PIK3CD: variants seen among roughly 807,000 people sequenced by gnomAD.
The protein encoded by PIK3CD is phosphatidylinositol 4,5-bisphosphate 3-kinase catalytic subunit delta isoform.
In PIK3CD, 20 loss-of-function variants were observed where a neutral mutation model predicts 122.9. The ratio of observed to expected loss-of-function variants is 0.16; its 90% CI spans 0.11 to 0.24. The LOEUF is 0.24. Ranked by LOEUF, PIK3CD falls within the 10% of genes least tolerant of loss-of-function variation. The probability of loss-of-function intolerance (pLI) is 1.00; values close to 1 mark genes in which losing one functional copy is unlikely to be tolerated. For synonymous variants in PIK3CD, 596 were observed against 593.4 expected, an observed-to-expected ratio of 1.00 and a Z score of -0.06; for missense variants, 787 against 1,406.3, an observed-to-expected ratio of 0.56 and a Z score of 7.04.
intron 1 of PIK3CD, chr1:9,654,083 TACA>T: frequency 7.6e-6 from 9 of 1,187,594 alleles, no homozygotes; most frequent in South Asian, 1.3e-5. Flanking sequence ...AGAAACATAA[TACA>T]ACAACCCAGT....
chr1:9,709,929 C>A (rs1442985931), intron 2 of PIK3CD, among the ~76,000 whole-genome samples: 1 of 151,982 alleles, frequency 6.6e-6, no homozygotes, highest in African/African-American at 2.4e-5. Flanking sequence ...TCTCTTGAAC[C>A]CAAGAGGCGG....
In PIK3CD at chr1:9,719,812, A is replaced by G. The variant is rs2100931107; in HGVS notation, c.1243-109A>G. On this transcript the variant is annotated intron_variant, in intron 9 of 23. Coordinates refer to ENST00000377346, the MANE Select transcript of PIK3CD (RefSeq NM_005026.5). The surrounding 1 kb of genome is among the most constrained non-coding windows in gnomAD (Gnocchi z 5.5). ...GGTCTCCCAGGGGTCTGGTTGGGAGATGTTAGCTGGGCTCTGGGTCTTCTC... is the reference window on the plus strand; with the variant it reads ...GGTCTCCCAGGGGTCTGGTTGGGAGGTGTTAGCTGGGCTCTGGGTCTTCTC... 3 of 883,104 alleles carry G rather than the reference A, an allele frequency of 3.4e-6. No individual in the cohort carries two copies. Among genetic ancestry groups the G allele is most frequent in the Non-Finnish European group, 5.8e-6 (3 of 516,610 alleles). 54.7% of individuals were successfully genotyped at this position (883,104 alleles called of 1,614,324 possible). A position where few individuals can be genotyped will look rare whatever the true frequency, so the allele number is the denominator to read the frequency against.
chr1:9,725,881 AAAT>A (rs1241990645), intron 23 of PIK3CD, among the ~76,000 whole-genome samples: 1 of 151,972 alleles, frequency 6.6e-6, no homozygotes, highest in African/African-American at 2.4e-5. Flanking sequence ...CCGTCTCAAA[AAAT>A]AATAATAAAA....
In PIK3CD at chr1:9,710,632, C is replaced by CAGAGAGAGAGAG; in HGVS notation, c.141+48_141+59dup. ...CATCCGGTCCTCAGACCTTGGTGCT[C>CAGAGAGAGAGAG]AGAGAGAGAGAGAGAGAGAGAGACA... is the stretch of plus-strand genomic sequence containing the variant. On this transcript the variant is annotated intron_variant, in intron 3 of 23. Transcript: ENST00000377346. The surrounding 1 kb of genome is among the most constrained non-coding windows in gnomAD (Gnocchi z 4.7). The CAGAGAGAGAGAG allele has an allele frequency of 6.5e-7, 1 of 1,526,900 alleles. No homozygotes were observed. Among genetic ancestry groups the CAGAGAGAGAGAG allele is most frequent in the Non-Finnish European group, 9.0e-7 (1 of 1,109,042 alleles). The allele number at this position is 1,526,900 out of a possible 1,614,324, so 94.6% of individuals were successfully genotyped here.
At position 9,720,140 on chromosome 1, in the gene PIK3CD, G is replaced by C. The variant is rs141809100; in HGVS notation, c.1368G>C (p.Thr456=). The C allele has an allele frequency of 6.8e-6, 11 of 1,613,192 alleles. No homozygotes were observed. The East Asian group carries it at 2.5e-4, about 36-fold the overall frequency. Residue 456 remains threonine, a synonymous_variant, in exon 11 of 24, where the codon ACG becomes ACC. Coordinates refer to ENST00000377346, the MANE Select transcript of PIK3CD (RefSeq NM_005026.5). The surrounding 1 kb of genome is among the most constrained non-coding windows in gnomAD (Gnocchi z 9.0). ...AGAAGGGCGAGCTGCTGAACCCCAC[G>C]GGCACTGTGCGCAGTAACCCCAACA... ...PDEKGELLNP[T]GTVRSNPNTD...
chr1:9,635,492 G>A, the PIK3CD span, among the ~76,000 whole-genome samples: 1 of 152,170 alleles, frequency 6.6e-6, no homozygotes, highest in Admixed American at 6.6e-5. Context: ...CGCTCCAGGT[G>A]TCTAAAGAAC....
chr1:9,656,591 T>G (rs1244958563), intron 1 of PIK3CD, among the ~76,000 whole-genome samples: 1 of 152,116 alleles, frequency 6.6e-6, no homozygotes, highest in Non-Finnish European at 1.5e-5. Context: ...ATTGAGCCTG[T>G]GAGTAGCCAT....
rs186459554 is a variant in PIK3CD at position 9,711,636 on chromosome 1, C to T, written c.141+1040C>T. On this transcript the variant is annotated intron_variant, in intron 3 of 23. Transcript: ENST00000377346. Reference sequence around the variant, plus strand: ...TTGCCCAGCCTGGAGTGCAGTAGTGCGATCACAGCTCACTGCAGCCTCAAT... The same window carrying T: ...TTGCCCAGCCTGGAGTGCAGTAGTGTGATCACAGCTCACTGCAGCCTCAAT... 4.2e-4 allele frequency among the ~76,000 whole-genome samples: 64 copies of T among 151,728 alleles called. No individual in the cohort carries two copies. The East Asian group carries it at 0.011, about 26-fold the overall frequency.
intron 1 of PIK3CD, among the ~76,000 whole-genome samples, chr1:9,658,838 T>C (rs61783027): frequency 0.032 from 4,929 of 152,254 alleles, 271 homozygotes; most frequent in African/African-American, 0.11. Context: ...CTGGGTGACC[T>C]TGGGCAAGTC....
the PIK3CD span, among the ~76,000 whole-genome samples, chr1:9,632,251 A>T: frequency 6.6e-6 from 1 of 152,092 alleles, no homozygotes; most frequent in Non-Finnish European, 1.5e-5. Flanking sequence ...ACCTCAGGTG[A>T]TCTACCTGCC....
chr1:9,699,489 C>T (rs1404402911), intron 2 of PIK3CD, among the ~76,000 whole-genome samples: 1 of 152,192 alleles, frequency 6.6e-6, no homozygotes, highest in African/African-American at 2.4e-5. Flanking sequence ...GACTCCTCAC[C>T]ATGGCTACGG....
rs901945815 is a variant in PIK3CD, at chr1:9,720,798, C to G, written c.1578C>G (p.His526Gln). 1.2e-6 allele frequency: 2 copies of G among 1,612,926 alleles called. No homozygotes were observed. The highest frequency in any genetic ancestry group is 1.1e-5 in the South Asian group (1 of 91,022). Residue 526 changes from histidine (H) to glutamine (Q), a missense_variant, in exon 13 of 24, where the codon CAC (histidine) becomes CAG (glutamine). Coordinates refer to ENST00000377346, the MANE Select transcript of PIK3CD (RefSeq NM_005026.5). This position sits in a 1 kb window ranked among gnomAD's most constrained non-coding sequence, Gnocchi z 9.0. ...ERRGSGELYE[H>Q]EKDLVWKLRH... The stretch of plus-strand genomic sequence containing the variant: ...GGGGGTCTGGGGAGCTGTATGAGCA[C>G]GAGAAGGACCTGGTGTGGAAGCTGC...
intron 2 of PIK3CD, among the ~76,000 whole-genome samples, chr1:9,693,031 T>C (rs921176827): frequency 6.6e-6 from 1 of 152,176 alleles, no homozygotes; most frequent in African/African-American, 2.4e-5. Context: ...TTTTTAATCC[T>C]CATGCTTTTT....
Position 9,695,853 on chromosome 1 carries a change from A to AAAAAGAAAAG in PIK3CD, c.-33+4286_-33+4295dup, listed in dbSNP as rs1325528763. ...AGCGAGACTCAGTCTCAAAAAAAAA[A>AAAAAGAAAAG]AAAAGAAAAGAAAGAAAGATACTAC... On this transcript the variant is annotated intron_variant, in intron 2 of 23. Coordinates refer to ENST00000377346, the MANE Select transcript of PIK3CD (RefSeq NM_005026.5). Among the ~76,000 whole-genome samples the AAAAAGAAAAG allele has an allele frequency of 5.8e-3, 867 of 150,308 alleles. 19 individuals carry two copies. The highest frequency in any genetic ancestry group is 0.02 in the African/African-American group (822 of 40,124).
chr1:9,707,264 A>C (rs1256340412), intron 2 of PIK3CD, among the ~76,000 whole-genome samples: 2 of 151,992 alleles, frequency 1.3e-5, no homozygotes, highest in African/African-American at 4.8e-5. Flanking sequence ...AAAGTAACTA[A>C]GAAAAGTAGA....
At chr1:9,699,625 T>G (rs554059388) in intron 2 of PIK3CD, among the ~76,000 whole-genome samples, 1 of 151,710 alleles carries the variant, frequency 6.6e-6, no homozygotes, top group Non-Finnish European at 1.5e-5. Flanking sequence ...AGATGGAGTT[T>G]CACTCTTATT....
Position 9,722,113 on chromosome 1 carries a change from C to G in PIK3CD, c.2194C>G (p.Gln732Glu), listed in dbSNP as rs376114835. The change falls in exon 17 of 24, where the codon CAG (glutamine) becomes GAG (glutamate). Residue 732 changes from glutamine (Q) to glutamate (E), a missense_variant. By Grantham distance (29) the Gln-to-Glu change is conservative. Coordinates refer to ENST00000377346, the MANE Select transcript of PIK3CD (RefSeq NM_005026.5). This position sits in a 1 kb window ranked among gnomAD's most constrained non-coding sequence, Gnocchi z 7.6. ...CTACCTAGAGGCCCTCTCCCACCTG[C>G]AGTCCCCACTCGACCCCAGCACCCT... ...EAYLEALSHLQSPLDPSTLLA... is the reference protein window; with the variant it reads ...EAYLEALSHLESPLDPSTLLA... 4 of 1,613,252 alleles carry G rather than the reference C, an allele frequency of 2.5e-6. No individual in the cohort carries two copies. Among genetic ancestry groups the G allele is most frequent in the Non-Finnish European group, 3.4e-6 (4 of 1,179,972 alleles).
chr1:9,707,442 C>T (rs1264736367), intron 2 of PIK3CD, among the ~76,000 whole-genome samples: 1 of 149,712 alleles, frequency 6.7e-6, no homozygotes, highest in Non-Finnish European at 1.5e-5. Flanking sequence ...GGGGGTTTGT[C>T]ATACAGATTA....
the PIK3CD span, among the ~76,000 whole-genome samples, chr1:9,633,708 A>G: frequency 6.6e-6 from 1 of 152,192 alleles, no homozygotes; most frequent in African/African-American, 2.4e-5. Flanking sequence ...GTGAGGGCTA[A>G]TTTCTTCTTT....
Sources: gnomAD v4.1 joint callset for allele counts (sites outside exome capture counted in the v4.1 genomes callset) on GRCh38, gnomAD v4.1.1 for gene constraint, Gnocchi (gnomAD v3.1) non-coding constraint, MANE v1.5 for transcripts, NCBI Gene and HGNC (gene_info 2026-07-23, HGNC 2026-07-21) for gene names.